GLCCI1: variants seen among roughly 807,000 people sequenced by gnomAD.
GLCCI1 encodes glucocorticoid induced 1, also known as glucocorticoid-induced transcript 1 protein.
In GLCCI1, 24 loss-of-function variants were observed where a neutral mutation model predicts 52.2. That is an observed-to-expected ratio of 0.46 (90% CI 0.33 to 0.65). The LOEUF (loss-of-function observed/expected upper bound fraction) is 0.65, where lower values mean the gene tolerates loss of function less well. Ranked by LOEUF, GLCCI1 falls within the 30% of genes least tolerant of loss-of-function variation. The probability of loss-of-function intolerance (pLI) is 0.02; values close to 1 mark genes in which losing one functional copy is unlikely to be tolerated. For synonymous variants in GLCCI1, 310 were observed against 276.5 expected (o/e 1.12, Z -1.20); for missense variants, 704 against 701.5 (o/e 1.00, Z -0.04).
At chr7:7,990,994 A>G (rs1780830065) in intron 1 of GLCCI1, among the ~76,000 whole-genome samples, 1 of 152,032 alleles carries the variant, frequency 6.6e-6, no homozygotes, top group African/African-American at 2.4e-5. Context: ...TTACTACATT[A>G]TTTTGCATTG....
chr7:7,984,486 A>T (rs1304754193), intron 1 of GLCCI1, among the ~76,000 whole-genome samples: 1 of 152,236 alleles, frequency 6.6e-6, no homozygotes, highest in African/African-American at 2.4e-5. Flanking sequence ...AGTAAGGAGA[A>T]TGTGAATTAT....
chr7:8,017,951 T>G (rs78801244), intron 2 of GLCCI1, among the ~76,000 whole-genome samples: 1 of 152,214 alleles, frequency 6.6e-6, no homozygotes, highest in Non-Finnish European at 1.5e-5. Context: ...AAAATTGTTT[T>G]ATTAGTCAAA....
At chr7:7,994,725 C>T (rs1391375290) in intron 1 of GLCCI1, among the ~76,000 whole-genome samples, 1 of 152,148 alleles carries the variant, frequency 6.6e-6, no homozygotes, top group African/African-American at 2.4e-5. Context: ...GTCTGTCTGT[C>T]GTTAAAATCT....
intron 2 of GLCCI1, among the ~76,000 whole-genome samples, chr7:8,016,217 C>A (rs1250129551): frequency 1.3e-5 from 2 of 152,168 alleles, no homozygotes; most frequent in Non-Finnish European, 2.9e-5. Flanking sequence ...CGCCTGTAAT[C>A]CCAGCACTTT....
At chr7:8,041,200 A>G (rs188588678) in intron 3 of GLCCI1, among the ~76,000 whole-genome samples, 106 of 152,346 alleles carry the variant, frequency 7.0e-4, no homozygotes, top group African/African-American at 2.5e-3. Flanking sequence ...ACTAGATAAA[A>G]GATCAAACCA....
chr7:7,980,633 C>T, intron 1 of GLCCI1: 1 of 802,424 alleles, frequency 1.2e-6, no homozygotes, highest in East Asian at 2.5e-5. Context: ...TTTTTTGAGA[C>T]AGAAAACGTC....
intron 5 of GLCCI1, among the ~76,000 whole-genome samples, chr7:8,069,824 C>A (rs974198226): frequency 6.6e-6 from 1 of 152,166 alleles, no homozygotes; most frequent in African/African-American, 2.4e-5. Flanking sequence ...TTTCTAAAAT[C>A]TCTGAAATGA....
At chr7:8,080,572 G>A (rs1782973880) in intron 6 of GLCCI1, among the ~76,000 whole-genome samples, 2 of 151,186 alleles carry the variant, frequency 1.3e-5, no homozygotes, top group Non-Finnish European at 2.9e-5. Flanking sequence ...TGGACAACCT[G>A]GTACTCCAGA....
rs1445325120 is a variant in GLCCI1, at chr7:7,969,705, G to A, written c.355G>A (p.Glu119Lys). ...GCCGCCGGCGGCCGCAGCCCCGGCC[G>A]AGCAGGCGCCGCGGGCCAAGGGCCG... is the stretch of plus-strand genomic sequence containing the variant. ...PTPPAAAAPA[E>K]QAPRAKGRPR... The change falls in exon 1 of 8, where the codon GAG (glutamate) becomes AAG (lysine). Residue 119 changes from glutamate to lysine, a missense_variant. Physicochemically the swap from Glu to Lys is moderately conservative, Grantham distance 56. Transcript: ENST00000223145. This position sits in a 1 kb window ranked among gnomAD's most constrained non-coding sequence, Gnocchi z 4.9. The A allele has an allele frequency of 4.4e-5, 57 of 1,296,054 alleles. No individual in the cohort carries two copies. In the Admixed American group the frequency reaches 5.1e-4, roughly 12 times the overall value. The allele number at this position is 1,296,054 out of a possible 1,614,324, so 80.3% of individuals were successfully genotyped here. A position where few individuals can be genotyped will look rare whatever the true frequency, so the allele number is the denominator to read the frequency against.
chr7:8,082,171 T>C (rs1157112661), intron 6 of GLCCI1, among the ~76,000 whole-genome samples: 1 of 152,140 alleles, frequency 6.6e-6, no homozygotes, highest in Non-Finnish European at 1.5e-5. Context: ...CAACACAGAG[T>C]TTTAAATGAA....
chr7:8,040,041 A>G (rs1460898723), intron 3 of GLCCI1, among the ~76,000 whole-genome samples: 3 of 151,486 alleles, frequency 2.0e-5, no homozygotes, highest in East Asian at 1.9e-4. Context: ...CCTACACAAT[A>G]TATCCATGTA....
At chr7:8,053,339 G>GTTTT (rs112047406) in intron 3 of GLCCI1, among the ~76,000 whole-genome samples, 4,177 of 134,278 alleles carry the variant, frequency 0.031, 201 homozygotes, top group African/African-American at 0.092. Flanking sequence ...TTGTTTGTTT[G>GTTTT]TTTTGAGACA....
chr7:7,971,983 TC>T (rs1780362891), intron 1 of GLCCI1, among the ~76,000 whole-genome samples: 2 of 152,254 alleles, frequency 1.3e-5, no homozygotes, highest in East Asian at 3.9e-4. Context: ...TGCCCCCAGT[TC>T]CGTGATTATA....
chr7:8,047,100 ATTAC>A (rs767436090), intron 3 of GLCCI1, among the ~76,000 whole-genome samples: 1 of 152,208 alleles, frequency 6.6e-6, no homozygotes, highest in African/African-American at 2.4e-5. Context: ...GGAAAAGCAT[ATTAC>A]TTACAAAGAA....
At chr7:8,021,418 T>C (rs1448005199) in intron 2 of GLCCI1, among the ~76,000 whole-genome samples, 1 of 152,162 alleles carries the variant, frequency 6.6e-6, no homozygotes, top group Non-Finnish European at 1.5e-5. Flanking sequence ...GTTTAATTAT[T>C]ATTTTTTTTT....
chr7:8,053,005 ATTAT>A (rs60377934), intron 3 of GLCCI1, among the ~76,000 whole-genome samples: 43,868 of 147,080 alleles, frequency 0.3, 6,631 homozygotes, highest in East Asian at 0.48. Context: ...TTGGTTTTGT[ATTAT>A]TTATTTATTT....
At chr7:7,987,623 T>C (rs1443438052) in intron 1 of GLCCI1, among the ~76,000 whole-genome samples, 1 of 152,196 alleles carries the variant, frequency 6.6e-6, no homozygotes, top group African/African-American at 2.4e-5. Flanking sequence ...AGTCTCGCTC[T>C]GTTGCCCAGA....
At chr7:8,031,376 A>C (rs1781744555) in intron 3 of GLCCI1, among the ~76,000 whole-genome samples, 1 of 152,132 alleles carries the variant, frequency 6.6e-6, no homozygotes, top group Admixed American at 6.6e-5. Flanking sequence ...AGAGGATAGA[A>C]GGATGGTTAC....
At chr7:8,057,538 C>G (rs1317868797) in intron 4 of GLCCI1, among the ~76,000 whole-genome samples, 5 of 151,994 alleles carry the variant, frequency 3.3e-5, no homozygotes. Context: ...GGATTGACCA[C>G]AGAGAGGCCC....
Sources: gnomAD v4.1 joint callset for allele counts (sites outside exome capture counted in the v4.1 genomes callset) on GRCh38, gnomAD v4.1.1 for gene constraint, Gnocchi (gnomAD v3.1) non-coding constraint, MANE v1.5 for transcripts, NCBI Gene and HGNC (gene_info 2026-07-23, HGNC 2026-07-21) for gene names.